Variants in SLC9A9 observed in about 807,000 individuals in gnomAD.
SLC9A9 encodes solute carrier family 9 member A9, also known as sodium/hydrogen exchanger 9.
A neutral mutation model predicts 77.8 loss-of-function variants in SLC9A9; 62 were observed. The observed-to-expected ratio is 0.80, with a 90% CI of 0.65 to 0.98. The LOEUF is 0.98. SLC9A9 is among the 50% of genes least tolerant of loss of function. SLC9A9 has a pLI of 0.00. For synonymous variants in SLC9A9, 320 were observed against 283.5 expected, an observed-to-expected ratio of 1.13 and a Z score of -1.29; for missense variants, 775 against 774.9, an observed-to-expected ratio of 1.00 and a Z score of 0.00.
intron 6 of SLC9A9, among the ~76,000 whole-genome samples, chr3:143,581,619 G>A (rs2037455230): frequency 6.6e-6 from 1 of 151,878 alleles, no homozygotes; most frequent in Non-Finnish European, 1.5e-5. Flanking sequence ...CAGCTACTAA[G>A]TTCACAATGT....
At chr3:143,682,626 A>G (rs1324408932) in intron 5 of SLC9A9, among the ~76,000 whole-genome samples, 1 of 152,198 alleles carries the variant, frequency 6.6e-6, no homozygotes, top group Non-Finnish European at 1.5e-5. Flanking sequence ...TCTGTATATT[A>G]GAAGTTCAAC....
intron 5 of SLC9A9, among the ~76,000 whole-genome samples, chr3:143,663,854 T>C (rs1338521687): frequency 1.3e-5 from 2 of 152,106 alleles, no homozygotes; most frequent in South Asian, 4.2e-4. Flanking sequence ...CTACGTTTGA[T>C]TGGTGTACCT....
chr3:143,578,676 G>C lies in SLC9A9; in HGVS notation c.803C>G (p.Ala268Gly), dbSNP rs767746828. 6.2e-7 allele frequency: 1 copy of C among 1,614,080 alleles called. No individual in the cohort carries two copies. The highest frequency in any genetic ancestry group is 8.5e-7 in the Non-Finnish European group (1 of 1,179,944). The change falls in exon 7 of 16, where the codon GCC (alanine) becomes GGC (glycine). Residue 268 changes from alanine (A) to glycine (G), a missense_variant. Transcript: ENST00000316549. ...CCCCACAGACTGGAAGAATGCTGCG[G>C]CATCAAATGCATTTGGATTCTCCTT... is the stretch of plus-strand genomic sequence containing the variant. ...SPKENPNAFDAAAFFQSVGNF... is the reference protein window; with the variant it reads ...SPKENPNAFDGAAFFQSVGNF...
chr3:143,728,602 GC>G (rs1934722507), intron 4 of SLC9A9, among the ~76,000 whole-genome samples: 1 of 152,134 alleles, frequency 6.6e-6, no homozygotes, highest in African/African-American at 2.4e-5. Context: ...AAGGTGTGTG[GC>G]CTGTTTTTTC....
intron 13 of SLC9A9, among the ~76,000 whole-genome samples, chr3:143,366,671 T>C (rs1419524914): frequency 6.6e-6 from 1 of 152,236 alleles, no homozygotes; most frequent in Non-Finnish European, 1.5e-5. Flanking sequence ...GTACTTTTCA[T>C]ATATTAACAC....
intron 5 of SLC9A9, among the ~76,000 whole-genome samples, chr3:143,678,489 T>TATA (rs1415504727): frequency 1.3e-5 from 2 of 152,236 alleles, no homozygotes; most frequent in Admixed American, 1.3e-4. Flanking sequence ...ATGTGTTCAA[T>TATA]TTTATAATCT....
At chr3:143,442,704 G>A (rs1487761046) in intron 12 of SLC9A9, among the ~76,000 whole-genome samples, 2 of 152,208 alleles carry the variant, frequency 1.3e-5, no homozygotes, top group African/African-American at 4.8e-5. Flanking sequence ...CAGCCTGGGT[G>A]ACAGAGTGAA....
intron 4 of SLC9A9, among the ~76,000 whole-genome samples, chr3:143,705,040 TATATAG>T (rs146615941): frequency 0.013 from 699 of 52,630 alleles, 11 homozygotes; most frequent in East Asian, 0.047. Flanking sequence ...TCTATCTATC[TATATAG>T]ATATAGATAT....
chr3:143,746,204 G>A (rs540989353), intron 4 of SLC9A9, among the ~76,000 whole-genome samples: 1 of 152,230 alleles, frequency 6.6e-6, no homozygotes, highest in Non-Finnish European at 1.5e-5. Context: ...TCAGCTGGGG[G>A]ACAAGTGTGG....
chr3:143,589,949 A>G (rs1245861493), intron 6 of SLC9A9, among the ~76,000 whole-genome samples: 1 of 119,056 alleles, frequency 8.4e-6, no homozygotes. Flanking sequence ...TCTAGTATTA[A>G]TTTGCAAGAA....
At chr3:143,557,180 C>G (rs763928370) in intron 8 of SLC9A9, among the ~76,000 whole-genome samples, 15 of 152,076 alleles carry the variant, frequency 9.9e-5, no homozygotes, top group Non-Finnish European at 2.2e-4. Context: ...ATGTGTCTGG[C>G]GTTTCCCCTG....
intron 4 of SLC9A9, among the ~76,000 whole-genome samples, chr3:143,763,816 CTT>C (rs1173439258): frequency 1.3e-5 from 2 of 151,650 alleles, no homozygotes; most frequent in South Asian, 2.1e-4. Flanking sequence ...TGTAAAATCT[CTT>C]AGTCCTGGAA....
chr3:143,490,369 T>C (rs2035719667), intron 11 of SLC9A9, among the ~76,000 whole-genome samples: 1 of 151,982 alleles, frequency 6.6e-6, no homozygotes, highest in Admixed American at 6.6e-5. Flanking sequence ...TATAATATGC[T>C]ATAACATGGA....
chr3:143,598,078 T>C (rs1044750866), intron 6 of SLC9A9, among the ~76,000 whole-genome samples: 1 of 152,124 alleles, frequency 6.6e-6, no homozygotes, highest in Non-Finnish European at 1.5e-5. Context: ...CCCTGGTAAA[T>C]TGCTTTTGAA....
At position 143,662,806 on chromosome 3, in the gene SLC9A9, C is replaced by T. The variant is rs769678058; in HGVS notation, c.650-10446G>A. Among the ~76,000 whole-genome samples, 37 of 152,130 alleles carry T rather than the reference C, an allele frequency of 2.4e-4. No homozygotes were observed. The Middle Eastern group carries it at 0.01, about 42-fold the overall frequency. On this transcript the variant is annotated intron_variant, in intron 5 of 15. Transcript: ENST00000316549. Reference sequence around the variant, plus strand: ...AGGTAAACAAAGCAGCTGGGAAGCTCGAACTGGGTGAAGCCCACCACAGCT... The same window carrying T: ...AGGTAAACAAAGCAGCTGGGAAGCTTGAACTGGGTGAAGCCCACCACAGCT...
chr3:143,570,094 T>C (rs1281851727), intron 8 of SLC9A9, among the ~76,000 whole-genome samples: 2 of 152,012 alleles, frequency 1.3e-5, no homozygotes, highest in Non-Finnish European at 1.5e-5. Flanking sequence ...AAATGCATCA[T>C]TGGTCCTAGC....
chr3:143,411,189 G>A (rs1042555801), intron 12 of SLC9A9, among the ~76,000 whole-genome samples: 1 of 152,196 alleles, frequency 6.6e-6, no homozygotes. Flanking sequence ...TGTTCTATCA[G>A]AAGGTCTGTA....
intron 13 of SLC9A9, among the ~76,000 whole-genome samples, chr3:143,380,651 GC>G (rs2033281683): frequency 6.6e-6 from 1 of 152,184 alleles, no homozygotes; most frequent in African/African-American, 2.4e-5. Context: ...CCCCTGCTGT[GC>G]TCCATCCTGC....
intron 9 of SLC9A9, among the ~76,000 whole-genome samples, chr3:143,533,194 C>A (rs2036541349): frequency 6.6e-6 from 1 of 152,214 alleles, no homozygotes; most frequent in Non-Finnish European, 1.5e-5. Context: ...ACAAACCAGA[C>A]CAAGTCCCTG....
Sources: allele counts gnomAD v4.1 joint callset (sites outside exome capture counted in the v4.1 genomes callset), GRCh38; gene constraint gnomAD v4.1.1; transcripts MANE v1.5; gene names NCBI Gene and HGNC (gene_info 2026-07-23, HGNC 2026-07-21).